Variants in PDE10A observed in about 807,000 individuals in gnomAD.
The protein encoded by PDE10A is phosphodiesterase 10A, also known as cAMP and cAMP-inhibited cGMP 3',5'-cyclic phosphodiesterase 10A.
Under a neutral mutation model 97.7 loss-of-function variants are expected in PDE10A, and 39 were observed. That is an observed-to-expected ratio of 0.40 (90% CI 0.31 to 0.52). The LOEUF (loss-of-function observed/expected upper bound fraction) is 0.52, where lower values mean the gene tolerates loss of function less well. Ranked by LOEUF, PDE10A falls within the 20% of genes least tolerant of loss-of-function variation. The pLI, the probability that PDE10A is intolerant of heterozygous loss-of-function variation, is 0.56. For missense variants in PDE10A, 731 were observed against 1,047.8 expected (o/e 0.70, Z 4.17); for synonymous variants, 371 against 376.8 (o/e 0.98, Z 0.18).
intron 1 of PDE10A, among the ~76,000 whole-genome samples, chr6:165,946,019 T>A (rs921054682): frequency 1.1e-4 from 16 of 152,068 alleles, no homozygotes; most frequent in African/African-American, 3.9e-4. Flanking sequence ...TTTGAAGTAA[T>A]CCCATTTGTC....
At chr6:165,780,521 C>A (rs1370796842) in intron 1 of PDE10A, 1 of 152,150 alleles carries the variant, frequency 6.6e-6, no homozygotes, top group Non-Finnish European at 1.5e-5. Context: ...TCCATTAGAC[C>A]CTGTGTTCTC....
chr6:165,612,419 T>C (rs1208940059), intron 1 of PDE10A, among the ~76,000 whole-genome samples: 1 of 152,028 alleles, frequency 6.6e-6, no homozygotes, highest in East Asian at 1.9e-4. Context: ...CTCTGTCACC[T>C]AGGCTGGAGC....
intron 1 of PDE10A, among the ~76,000 whole-genome samples, chr6:165,728,892 A>C (rs1792358837): frequency 6.6e-6 from 1 of 152,182 alleles, no homozygotes; most frequent in Non-Finnish European, 1.5e-5. Flanking sequence ...ATTATGTAAG[A>C]GTTATATATA....
chr6:165,847,496 C>T (rs1780452397), intron 1 of PDE10A, among the ~76,000 whole-genome samples: 1 of 152,246 alleles, frequency 6.6e-6, no homozygotes, highest in African/African-American at 2.4e-5. Context: ...ATCTACAAGA[C>T]GATTGCAAAC....
At chr6:165,854,077 G>A (rs1026340742) in intron 1 of PDE10A, among the ~76,000 whole-genome samples, 6 of 152,196 alleles carry the variant, frequency 3.9e-5, no homozygotes, top group Admixed American at 2.6e-4. Flanking sequence ...AGACGCGCGG[G>A]GTCCTAGGGA....
intron 1 of PDE10A, among the ~76,000 whole-genome samples, chr6:165,877,994 C>A (rs1781389004): frequency 1.3e-5 from 2 of 152,190 alleles, no homozygotes; most frequent in African/African-American, 4.8e-5. Flanking sequence ...AGCACATGCA[C>A]TTATGCAACA....
intron 1 of PDE10A, among the ~76,000 whole-genome samples, chr6:165,885,863 G>T (rs142468896): frequency 4.9e-4 from 74 of 152,348 alleles, no homozygotes; most frequent in African/African-American, 1.7e-3. Flanking sequence ...AAGACAGAAA[G>T]TCTCAATAAA....
intron 1 of PDE10A, among the ~76,000 whole-genome samples, chr6:165,606,061 T>C (rs1188163073): frequency 6.6e-6 from 1 of 151,580 alleles, no homozygotes; most frequent in Admixed American, 6.6e-5. Context: ...GGGATGTTTG[T>C]TGAGTAACGC....
chr6:165,522,692 C>T (rs1431411360), intron 2 of PDE10A, among the ~76,000 whole-genome samples: 1 of 151,962 alleles, frequency 6.6e-6, no homozygotes, highest in Non-Finnish European at 1.5e-5. Context: ...GAAGCTTTTG[C>T]TTCTAGTTTA....
At chr6:165,429,824 G>T (rs188336507) in intron 9 of PDE10A, among the ~76,000 whole-genome samples, 1 of 151,764 alleles carries the variant, frequency 6.6e-6, no homozygotes, top group African/African-American at 2.4e-5. Context: ...CCAAACCAGC[G>T]AAATAAAACA....
In PDE10A at chr6:165,662,874, C is replaced by A. The variant is rs1487426825; in HGVS notation, c.-63G>T. ...GGGAGGGGCGCGGCGGGCCGGGGCT[C>A]GGTGGGCTCCGCCCCCGCAGGACCT... is the stretch of plus-strand genomic sequence containing the variant. On this transcript the variant is annotated 5_prime_UTR_variant, in exon 1 of 22. Transcript: ENST00000539869. Among the ~76,000 whole-genome samples the A allele has an allele frequency of 2.0e-5, 3 of 150,292 alleles. No individual in the cohort carries two copies. The South Asian group carries it at 6.3e-4, about 31-fold the overall frequency.
At chr6:165,726,554 G>A (rs1322188665) in intron 1 of PDE10A, among the ~76,000 whole-genome samples, 2 of 150,646 alleles carry the variant, frequency 1.3e-5, no homozygotes, top group Non-Finnish European at 3.0e-5. Flanking sequence ...CACGATGCCC[G>A]AGGAGAGCCA....
chr6:165,755,371 A>C (rs1793094240), intron 1 of PDE10A, among the ~76,000 whole-genome samples: 1 of 152,244 alleles, frequency 6.6e-6, no homozygotes, highest in African/African-American at 2.4e-5. Context: ...AGCTGCTTGT[A>C]AGATTTGTAA....
intron 13 of PDE10A, among the ~76,000 whole-genome samples, chr6:165,410,466 A>T (rs1345862500): frequency 2.1e-5 from 3 of 141,286 alleles, no homozygotes; most frequent in African/African-American, 8.2e-5. Context: ...TAACAAAAAA[A>T]GTTCCGAAGA....
At chr6:165,709,108 T>A (rs1353425537) in intron 1 of PDE10A, among the ~76,000 whole-genome samples, 1 of 94,726 alleles carries the variant, frequency 1.1e-5, no homozygotes, top group Non-Finnish European at 2.1e-5. Context: ...TGCCGTGCTC[T>A]CCCCACACTT....
At chr6:165,610,575 AT>A (rs1239652446) in intron 1 of PDE10A, among the ~76,000 whole-genome samples, 1 of 151,714 alleles carries the variant, frequency 6.6e-6, no homozygotes, top group Non-Finnish European at 1.5e-5. Flanking sequence ...AGGATTCCCT[AT>A]TTAACAAATG....
At chr6:165,378,575 C>T (rs1488442610) in intron 18 of PDE10A, among the ~76,000 whole-genome samples, 2 of 152,168 alleles carry the variant, frequency 1.3e-5, no homozygotes, top group African/African-American at 2.4e-5. Flanking sequence ...GCAAGACACC[C>T]ATCCTCAAAA....
intron 1 of PDE10A, among the ~76,000 whole-genome samples, chr6:165,761,418 C>T (rs1035130514): frequency 1.3e-5 from 2 of 151,696 alleles, no homozygotes; most frequent in Admixed American, 1.3e-4. Flanking sequence ...TCTTTCCTTC[C>T]TGAACATCAG....
rs68159417 is a variant in PDE10A at position 165,881,392 on chromosome 6, CT to C, written c.-615+106136del. The stretch of plus-strand genomic sequence containing the variant: ...AGCAATTTCTTTTCTTTTTTCTTTT[CT>C]TTTTTTTTTTTTTTTTTTTTTGAGA... On this transcript the variant is annotated intron_variant, in intron 1 of 19. Transcript: ENST00000366882. 6.5e-3 allele frequency among the ~76,000 whole-genome samples: 694 copies of C among 106,898 alleles called. 2 individuals are homozygous for C. The highest frequency in any genetic ancestry group is 0.023 in the African/African-American group (567 of 24,938). The allele number at this position is 106,898 out of a possible 152,430, so 70.1% of individuals were successfully genotyped here.
Sources: gnomAD v4.1 joint callset for allele counts (sites outside exome capture counted in the v4.1 genomes callset) on GRCh38, gnomAD v4.1.1 for gene constraint, MANE v1.5 for transcripts, NCBI Gene and HGNC (gene_info 2026-07-23, HGNC 2026-07-21) for gene names.